Variants in TRDN observed in about 807,000 individuals in gnomAD.
TRDN encodes the protein triadin.
A neutral mutation model predicts 149.7 loss-of-function variants in TRDN; 161 were observed. The ratio of observed to expected loss-of-function variants is 1.08; its 90% CI spans 0.95 to 1.23. The LOEUF is 1.23. TRDN is among the 50% of genes most tolerant of loss of function. The pLI is 0.00. For missense variants in TRDN, 896 were observed against 823.5 expected (o/e 1.09, Z -1.08); for synonymous variants, 294 against 250.5 (o/e 1.17, Z -1.64).
chr6:123,336,874 C>T (rs796770702), intron 22 of TRDN, among the ~76,000 whole-genome samples: 6 of 151,168 alleles, frequency 4.0e-5, no homozygotes, highest in East Asian at 1.9e-4. Context: ...CACATATATA[C>T]GTACTACAGA....
intron 10 of TRDN, chr6:123,441,154 A>G (rs190669975): frequency 3.3e-5 from 5 of 152,316 alleles, no homozygotes; most frequent in African/African-American, 1.2e-4. Context: ...GTGATTTGGT[A>G]GCAATGGAAT....
intron 7 of TRDN, among the ~76,000 whole-genome samples, chr6:123,508,072 T>G (rs1319993453): frequency 1.3e-5 from 2 of 152,170 alleles, no homozygotes; most frequent in African/African-American, 2.4e-5. Context: ...AAAATAACTT[T>G]GAATTCTGCA....
chr6:123,434,684 T>C (rs940246854), intron 12 of TRDN, among the ~76,000 whole-genome samples: 1 of 152,184 alleles, frequency 6.6e-6, no homozygotes, highest in Admixed American at 6.5e-5. Context: ...TTAAAGTCTT[T>C]ATTTCTTTTG....
At chr6:123,401,829 T>A (rs541165203) in intron 12 of TRDN, among the ~76,000 whole-genome samples, 1 of 151,506 alleles carries the variant, frequency 6.6e-6, no homozygotes, top group Admixed American at 6.6e-5. Flanking sequence ...CACCTGTAAT[T>A]CCAGCTACTA....
At chr6:123,515,427 C>A (rs1779369684) in intron 6 of TRDN, among the ~76,000 whole-genome samples, 1 of 151,824 alleles carries the variant, frequency 6.6e-6, no homozygotes, top group Admixed American at 6.6e-5. Context: ...AGAACATTCT[C>A]ATTTAAACAC....
In TRDN at chr6:123,278,311, T is replaced by C; in HGVS notation, c.1567+7A>G. On this transcript the variant is annotated splice_region_variant and intron_variant, in intron 26 of 40. Coordinates refer to ENST00000334268, the MANE Select transcript of TRDN (RefSeq NM_006073.4). ...ATCATATATGTGTATAAATAAAATATACATACCTGGCTTCTCTTCCTTTTT... is the reference window on the plus strand; with the variant it reads ...ATCATATATGTGTATAAATAAAATACACATACCTGGCTTCTCTTCCTTTTT... The C allele has an allele frequency of 7.8e-7, 1 of 1,290,162 alleles. No homozygotes were observed. The highest frequency in any genetic ancestry group is 1.0e-6 in the Non-Finnish European group (1 of 955,572). The allele number at this position is 1,290,162 out of a possible 1,614,324, so 79.9% of individuals were successfully genotyped here.
At chr6:123,489,764 A>C (rs184957418) in intron 9 of TRDN, among the ~76,000 whole-genome samples, 2 of 152,296 alleles carry the variant, frequency 1.3e-5, no homozygotes, top group Admixed American at 1.3e-4. Flanking sequence ...TTGCCTAGAA[A>C]GATGATGCAA....
At chr6:123,438,028 G>A (rs376245943) in intron 12 of TRDN, 35 bp downstream of exon 12, 12 of 1,542,918 alleles carry the variant, frequency 7.8e-6, no homozygotes, top group Admixed American at 1.8e-5. Context: ...CATCCTGAAC[G>A]TAATCCATCT....
At chr6:123,442,980 A>G (rs1775014960) in intron 10 of TRDN, among the ~76,000 whole-genome samples, 1 of 152,144 alleles carries the variant, frequency 6.6e-6, no homozygotes, top group Non-Finnish European at 1.5e-5. Flanking sequence ...GTCTTCAACC[A>G]TAAAAGGCAG....
At chr6:123,353,046 T>A (rs1349543547) in intron 20 of TRDN, among the ~76,000 whole-genome samples, 2 of 151,838 alleles carry the variant, frequency 1.3e-5, no homozygotes, top group Non-Finnish European at 2.9e-5. Context: ...CCATCCCAAA[T>A]CATCAGTAAC....
Position 123,498,741 on chromosome 6 carries a change from T to C in TRDN, c.794-1489A>G, listed in dbSNP as rs571599742. 386 of 396,698 alleles carry C rather than the reference T, an allele frequency of 9.7e-4. 4 individuals carry two copies. The highest frequency in any genetic ancestry group is 7.0e-3 in the South Asian group (368 of 52,476). 24.6% of individuals were successfully genotyped at this position (396,698 alleles called of 1,614,324 possible). A position where few individuals can be genotyped will look rare whatever the true frequency, so the allele number is the denominator to read the frequency against. On this transcript the variant is annotated intron_variant, in intron 8 of 40. Transcript: ENST00000334268. ...TGAACAAAACTGTAGAACTGGCAAT[T>C]TGACTCTAAGACAAAGCAAGATGAA...
intron 38 of TRDN, among the ~76,000 whole-genome samples, chr6:123,239,427 G>C (rs949802429): frequency 6.6e-6 from 1 of 152,088 alleles, no homozygotes; most frequent in Non-Finnish European, 1.5e-5. Flanking sequence ...CTATAGAATT[G>C]TGCTTTCAAC....
intron 6 of TRDN, among the ~76,000 whole-genome samples, chr6:123,515,138 A>G (rs948532652): frequency 2.2e-4 from 33 of 152,080 alleles, no homozygotes; most frequent in African/African-American, 7.5e-4. Flanking sequence ...AAGGAACACA[A>G]TAACACGCCA....
chr6:123,401,992 G>A (rs1772999177), intron 12 of TRDN, among the ~76,000 whole-genome samples: 1 of 150,990 alleles, frequency 6.6e-6, no homozygotes, highest in Admixed American at 6.6e-5. Context: ...AAGGTGTAGA[G>A]CCACAAAGGG....
intron 19 of TRDN, among the ~76,000 whole-genome samples, chr6:123,374,299 A>G (rs1781427309): frequency 6.6e-6 from 1 of 151,988 alleles, no homozygotes; most frequent in Admixed American, 6.6e-5. Context: ...TATATGTCAC[A>G]TTTTTCTAGG....
chr6:123,258,745 G>A (rs921376419), intron 35 of TRDN, among the ~76,000 whole-genome samples: 2 of 152,068 alleles, frequency 1.3e-5, no homozygotes, highest in Non-Finnish European at 2.9e-5. Context: ...GGTAGAATTC[G>A]TCTGTGAATC....
chr6:123,502,758 A>T, intron 8 of TRDN: 2 of 984,978 alleles, frequency 2.0e-6, no homozygotes, highest in Non-Finnish European at 2.4e-6. Context: ...CTTAGATAAC[A>T]TTAGTCAAAA....
At chr6:123,444,811 C>T (rs1432807912) in intron 10 of TRDN, among the ~76,000 whole-genome samples, 2 of 152,080 alleles carry the variant, frequency 1.3e-5, no homozygotes. Flanking sequence ...TGTTTATATG[C>T]TGGATTACAT....
intron 22 of TRDN, 77 bp downstream of exon 22, chr6:123,337,542 G>A (rs560803691): frequency 2.0e-5 from 12 of 589,166 alleles, no homozygotes; most frequent in East Asian, 4.3e-5. Flanking sequence ...CAAAGGGGAT[G>A]CAGCTAATGT....
Sources: allele counts gnomAD v4.1 joint callset (sites outside exome capture counted in the v4.1 genomes callset), GRCh38; gene constraint gnomAD v4.1.1; transcripts MANE v1.5; gene names NCBI Gene and HGNC (gene_info 2026-07-23, HGNC 2026-07-21).